Variants in SLC25A21 observed in about 807,000 individuals in gnomAD.
SLC25A21 encodes the protein mitochondrial 2-oxodicarboxylate carrier.
Under a neutral mutation model 43.8 loss-of-function variants are expected in SLC25A21, and 47 were observed. That is an observed-to-expected ratio of 1.07 (90% CI 0.85 to 1.37). The LOEUF (loss-of-function observed/expected upper bound fraction) is 1.37, where lower values mean the gene tolerates loss of function less well. Among genes scored for constraint, SLC25A21 ranks in the 40% most tolerant of loss-of-function variants. The pLI is 0.00. For synonymous variants in SLC25A21, 131 were observed against 121.3 expected, an observed-to-expected ratio of 1.08 and a Z score of -0.52; for missense variants, 352 against 350.2, an observed-to-expected ratio of 1.00 and a Z score of -0.04.
chr14:36,867,847 T>C lies in SLC25A21; in HGVS notation c.119+7109A>G, dbSNP rs138752968. 4.9e-3 allele frequency among the ~76,000 whole-genome samples: 746 copies of C among 152,018 alleles called. 8 individuals carry two copies. Among genetic ancestry groups the C allele is most frequent in the African/African-American group, 0.017 (719 of 41,456 alleles). ...TACACTCATTTATTTTTCATAATAA[T>C]GTGGATGCCATTATTGCTCCTATTT... On this transcript the variant is annotated intron_variant, in intron 2 of 9. Transcript: ENST00000331299.
intron 1 of SLC25A21, among the ~76,000 whole-genome samples, chr14:37,047,472 C>T (rs1594768611): frequency 6.6e-6 from 1 of 152,178 alleles, no homozygotes; most frequent in East Asian, 1.9e-4. Flanking sequence ...TGGTCCATTT[C>T]CGGAACTTTG....
At chr14:36,735,075 C>G (rs1180767646) in intron 3 of SLC25A21, among the ~76,000 whole-genome samples, 1 of 152,160 alleles carries the variant, frequency 6.6e-6, no homozygotes, top group Non-Finnish European at 1.5e-5. Flanking sequence ...GCTTCCAGCC[C>G]CGTCCTGATT....
intron 3 of SLC25A21, among the ~76,000 whole-genome samples, chr14:36,738,672 C>T (rs17105186): frequency 0.014 from 2,205 of 152,298 alleles, 53 homozygotes; most frequent in African/African-American, 0.05. Flanking sequence ...AGAGCTACTA[C>T]AACACCTCCC....
At chr14:37,087,135 G>A (rs529854461) in intron 1 of SLC25A21, among the ~76,000 whole-genome samples, 13 of 152,070 alleles carry the variant, frequency 8.5e-5, no homozygotes, top group African/African-American at 3.1e-4. Context: ...TTTTTTAATG[G>A]CCCTTTTGAT....
chr14:36,873,374 C>A (rs1393125632), intron 2 of SLC25A21, among the ~76,000 whole-genome samples: 1 of 152,154 alleles, frequency 6.6e-6, no homozygotes, highest in East Asian at 1.9e-4. Flanking sequence ...CGGCTCACTG[C>A]AACCTCTACC....
chr14:36,764,035 A>G (rs1374430309), intron 3 of SLC25A21, among the ~76,000 whole-genome samples: 10 of 62,858 alleles, frequency 1.6e-4, no homozygotes, highest in African/African-American at 5.9e-4. Context: ...TGAAAGAAAG[A>G]AAAAGAAAGA....
chr14:36,776,222 TTTTCTTTC>T (rs1238160600), intron 3 of SLC25A21, among the ~76,000 whole-genome samples: 7 of 100,374 alleles, frequency 7.0e-5, no homozygotes, highest in African/African-American at 1.6e-4. Flanking sequence ...TCTTTTTTCT[TTTTCTTTC>T]TTTCTTTCTT....
chr14:37,093,424 T>G (rs1962626088), intron 1 of SLC25A21, among the ~76,000 whole-genome samples: 1 of 152,238 alleles, frequency 6.6e-6, no homozygotes, highest in Non-Finnish European at 1.5e-5. Flanking sequence ...TAAAGCAATA[T>G]GGCAACTTTT....
At chr14:36,980,280 T>C (rs181594584) in intron 1 of SLC25A21, among the ~76,000 whole-genome samples, 207 of 152,294 alleles carry the variant, frequency 1.4e-3, no homozygotes, top group African/African-American at 4.2e-3. Context: ...TTCCTGAATT[T>C]GAATGTTGGC....
At chr14:37,071,232 AT>A (rs1201484732) in intron 1 of SLC25A21, among the ~76,000 whole-genome samples, 1 of 152,186 alleles carries the variant, frequency 6.6e-6, no homozygotes, top group Non-Finnish European at 1.5e-5. Flanking sequence ...ATTGATGAAA[AT>A]TTTTAAAAAT....
rs530503657 is a variant in SLC25A21 at position 36,944,047 on chromosome 14, T to C, written c.71-69043A>G. Among the ~76,000 whole-genome samples the C allele has an allele frequency of 3.1e-4, 47 of 152,224 alleles. No homozygotes were observed. The South Asian group carries it at 9.5e-3, about 31-fold the overall frequency. On this transcript the variant is annotated intron_variant, in intron 1 of 9. Transcript: ENST00000331299. ...AAAGGATACCCAATTCCCTCTGAAA[T>C]CCCAAATTCATACATATAAAAATTC...
In SLC25A21 at chr14:36,959,949, T is replaced by C. The variant is rs536966884; in HGVS notation, c.71-84945A>G. Among the ~76,000 whole-genome samples the C allele has an allele frequency of 5.3e-5, 8 of 152,304 alleles. No individual in the cohort carries two copies. In the South Asian group the frequency reaches 1.4e-3, roughly 28 times the overall value. On this transcript the variant is annotated intron_variant, in intron 1 of 9. Transcript: ENST00000331299. ...TATAATGTCCAGCATGTAATGATCA[T>C]ATAATGTCTGCCTGTTAGATCCCCC...
At chr14:37,106,082 C>T (rs1354068164) in intron 1 of SLC25A21, among the ~76,000 whole-genome samples, 2 of 152,034 alleles carry the variant, frequency 1.3e-5, no homozygotes, top group Admixed American at 1.3e-4. Context: ...ATGTATGTCA[C>T]CTCAGGACCA....
chr14:37,135,935 G>A (rs1801136521), intron 1 of SLC25A21, among the ~76,000 whole-genome samples: 2 of 152,190 alleles, frequency 1.3e-5, no homozygotes, highest in African/African-American at 4.8e-5. Flanking sequence ...TAAATGGTAT[G>A]TATTATGATA....
At position 36,687,719 on chromosome 14, in the gene SLC25A21, T is replaced by A. The variant is rs537788830; in HGVS notation, c.604-2794A>T. Among the ~76,000 whole-genome samples, 27 of 152,282 alleles carry A rather than the reference T, an allele frequency of 1.8e-4. No individual in the cohort carries two copies. In the South Asian group the frequency reaches 5.4e-3, roughly 30 times the overall value. On this transcript the variant is annotated intron_variant, in intron 7 of 9. Coordinates refer to ENST00000331299, the MANE Select transcript of SLC25A21 (RefSeq NM_030631.4). The stretch of plus-strand genomic sequence containing the variant: ...TTTCTTTGTCACATGCCGCTAGCCA[T>A]CCTCGCATGAATGCAGCATCTCAGA...
At chr14:37,009,960 C>T (rs2138737392) in intron 1 of SLC25A21, among the ~76,000 whole-genome samples, 1 of 152,300 alleles carries the variant, frequency 6.6e-6, no homozygotes, top group East Asian at 1.9e-4. Context: ...ATTGTCTAAT[C>T]TAGGTGGCAT....
chr14:37,039,735 C>G (rs1961404239), intron 1 of SLC25A21, among the ~76,000 whole-genome samples: 1 of 152,168 alleles, frequency 6.6e-6, no homozygotes, highest in Non-Finnish European at 1.5e-5. Flanking sequence ...CCTCAAGGAT[C>G]TTATTTGGTG....
chr14:36,732,590 T>C (rs1350120718), intron 4 of SLC25A21, among the ~76,000 whole-genome samples: 4 of 152,178 alleles, frequency 2.6e-5, no homozygotes, highest in African/African-American at 7.2e-5. Context: ...CTTAAGATTG[T>C]CTGTTTCTAA....
In SLC25A21 at chr14:36,705,793, C is replaced by T. The variant is rs899921676; in HGVS notation, c.603+5525G>A. Among the ~76,000 whole-genome samples the T allele has an allele frequency of 5.3e-5, 8 of 152,020 alleles. 1 individual carries two copies. On this transcript the variant is annotated intron_variant, in intron 7 of 9. Coordinates refer to ENST00000331299, the MANE Select transcript of SLC25A21 (RefSeq NM_030631.4). ...CAGAGTGCGTGAAATCTCAGATTTC[C>T]TTGGAACAACAGAATGACCAATTGC...
Sources: allele counts gnomAD v4.1 joint callset (sites outside exome capture counted in the v4.1 genomes callset), GRCh38; gene constraint gnomAD v4.1.1; transcripts MANE v1.5; gene names NCBI Gene and HGNC (gene_info 2026-07-23, HGNC 2026-07-21).